The following SSH2 variants were observed in gnomAD, a reference collection of about 807,000 sequenced individuals.
SSH2 encodes the protein protein phosphatase Slingshot homolog 2.
Under a neutral mutation model 135.2 loss-of-function variants are expected in SSH2, and 37 were observed. The ratio of observed to expected loss-of-function variants is 0.27; its 90% CI spans 0.21 to 0.36. SSH2 has a LOEUF of 0.36. Ranked by LOEUF, SSH2 falls within the 10% of genes least tolerant of loss-of-function variation. SSH2 has a pLI of 1.00. For synonymous variants in SSH2, 628 were observed against 646.2 expected (o/e 0.97, Z 0.43); for missense variants, 1,408 against 1,765.3 (o/e 0.80, Z 3.63).
At chr17:29,657,997 C>G (rs1000840848) in intron 11 of SSH2, among the ~76,000 whole-genome samples, 1 of 150,920 alleles carries the variant, frequency 6.6e-6, no homozygotes, top group African/African-American at 2.4e-5. Flanking sequence ...GAATTCCCCA[C>G]AATCTGTATT....
At chr17:29,709,331 A>C (rs1278097659) in intron 3 of SSH2, among the ~76,000 whole-genome samples, 1 of 152,126 alleles carries the variant, frequency 6.6e-6, no homozygotes, top group Non-Finnish European at 1.5e-5. Flanking sequence ...TTTATGGCGG[A>C]CGAAATACAA....
intron 14 of SSH2, among the ~76,000 whole-genome samples, chr17:29,647,086 C>T (rs1245782299): frequency 2.0e-5 from 3 of 151,386 alleles, no homozygotes; most frequent in African/African-American, 7.3e-5. Context: ...CACAGTGAAA[C>T]CCCATCTCTA....
At chr17:29,847,164 A>G (rs2043145709) in intron 2 of SSH2, among the ~76,000 whole-genome samples, 1 of 152,182 alleles carries the variant, frequency 6.6e-6, no homozygotes. Flanking sequence ...GAAAAATTCC[A>G]AGAGCGGCCC....
rs187021961 is a variant in SSH2 at position 29,720,199 on chromosome 17, G to T, written c.189-17137C>A. On this transcript the variant is annotated intron_variant, in intron 3 of 15. Coordinates refer to ENST00000540801, the MANE Select transcript of SSH2 (RefSeq NM_001282129.2). ...TGTTATCCACCAATGTACCAATAGG[G>T]TTCTAAAAGTGAATTCTCAAATACT... Among the ~76,000 whole-genome samples, 15 of 152,268 alleles carry T rather than the reference G, an allele frequency of 9.9e-5. No individual in the cohort carries two copies. In the East Asian group the frequency reaches 2.7e-3, roughly 27 times the overall value.
chr17:29,930,111 C>T lies in SSH2; in HGVS notation c.-111G>A, dbSNP rs2067161638. 16 of 897,380 alleles carry T rather than the reference C, an allele frequency of 1.8e-5. No individual in the cohort carries two copies. The South Asian group carries it at 2.3e-4, about 13-fold the overall frequency. The allele number at this position is 897,380 out of a possible 1,614,324, so 55.6% of individuals were successfully genotyped here. On this transcript the variant is annotated 5_prime_UTR_variant, in exon 1 of 16. Transcript: ENST00000540801. ...GGGTGCGGGGTGGGGGTGAAGGGAA[C>T]GGGGAGGAGGAGGAGGCCGCGGGAA...
At chr17:29,680,337 G>C (rs1016105978) in intron 6 of SSH2, among the ~76,000 whole-genome samples, 4 of 151,544 alleles carry the variant, frequency 2.6e-5, no homozygotes, top group African/African-American at 4.9e-5. Flanking sequence ...CCGAGGTCAG[G>C]AGTTCAAGAC....
At chr17:29,707,377 A>T (rs2039247573) in intron 3 of SSH2, among the ~76,000 whole-genome samples, 1 of 152,196 alleles carries the variant, frequency 6.6e-6, no homozygotes, top group Non-Finnish European at 1.5e-5. Flanking sequence ...GAAACTCCTG[A>T]TTATAAAAGA....
At chr17:29,677,578 C>T (rs2037781138) in intron 7 of SSH2, 95 bp downstream of exon 7, 3 of 1,013,494 alleles carry the variant, frequency 3.0e-6, no homozygotes, top group Non-Finnish European at 1.6e-6. Context: ...GTTCAGTTGG[C>T]ACACTGGGCC....
In SSH2 at chr17:29,636,032, C is replaced by T; in HGVS notation, c.2198G>A (p.Ser733Asn). The T allele has an allele frequency of 6.2e-7, 1 of 1,614,176 alleles. No individual in the cohort carries two copies. Among genetic ancestry groups the T allele is most frequent in the Non-Finnish European group, 8.5e-7 (1 of 1,180,038 alleles). The change falls in exon 15 of 16, where the codon AGC becomes AAC. Residue 733 changes from serine to asparagine, a missense_variant. Ser to Asn is a conservative substitution (Grantham distance 46). Around this residue, in one of 3 missense-constraint regions of SSH2, gnomAD observed 1,080 missense variants for 1,144.5 expected, o/e 0.94. Transcript: ENST00000540801. ...ATGGGGAGTATTACTCAAAGAGCTG[C>T]TTCTCTGGTCATCAGCTGTCACTTT... ...PSKVTADDQR[S>N]SSLSNTPHAS... is the part of the protein sequence containing the mutation.
chr17:29,892,332 T>C (rs2066365892), intron 1 of SSH2, among the ~76,000 whole-genome samples: 1 of 152,044 alleles, frequency 6.6e-6, no homozygotes, highest in Non-Finnish European at 1.5e-5. Flanking sequence ...CCAAAGTTTA[T>C]AAACTGCTTC....
At chr17:29,894,712 C>T (rs1409851264) in intron 1 of SSH2, among the ~76,000 whole-genome samples, 1 of 151,926 alleles carries the variant, frequency 6.6e-6, no homozygotes, top group African/African-American at 2.4e-5. Context: ...CCACTCCCAC[C>T]ACTTAAACTG....
intron 3 of SSH2, among the ~76,000 whole-genome samples, chr17:29,767,377 T>TG (rs2041471363): frequency 3.4e-5 from 1 of 29,264 alleles, no homozygotes; most frequent in Non-Finnish European, 6.4e-5. Flanking sequence ...TTCTTTTTTC[T>TG]TTTTTTTTTT....
chr17:29,658,867 C>CAAAAAAAAAA (rs541052752), intron 11 of SSH2, among the ~76,000 whole-genome samples: 5 of 33,400 alleles, frequency 1.5e-4, no homozygotes, highest in Admixed American at 3.1e-4. Flanking sequence ...AACTCCGTCT[C>CAAAAAAAAAA]AAAAAAAAAA....
chr17:29,797,869 C>T lies in SSH2; in HGVS notation c.145-3932G>A, dbSNP rs540895375. On this transcript the variant is annotated intron_variant, in intron 2 of 15. Transcript: ENST00000540801. Reference sequence around the variant, plus strand: ...CGCCACTGCATTCCAACCTGAGAGACAGAGTGAGACTCTAAAATTAAATAA... The same window carrying T: ...CGCCACTGCATTCCAACCTGAGAGATAGAGTGAGACTCTAAAATTAAATAA... Among the ~76,000 whole-genome samples the T allele has an allele frequency of 4.6e-5, 7 of 151,178 alleles. No homozygotes were observed. In the South Asian group the frequency reaches 1.5e-3, roughly 32 times the overall value.
intron 2 of SSH2, 115 bp downstream of exon 2, chr17:29,848,734 G>A (rs2065491585): frequency 1.6e-6 from 1 of 634,480 alleles, no homozygotes; most frequent in Non-Finnish European, 2.7e-6. Context: ...TTGGCTGAAT[G>A]GGGTCAAATA....
At chr17:29,750,901 T>G (rs2040917851) in intron 3 of SSH2, among the ~76,000 whole-genome samples, 1 of 151,994 alleles carries the variant, frequency 6.6e-6, no homozygotes, top group African/African-American at 2.4e-5. Flanking sequence ...CTTGAAACTT[T>G]TTTGTTAAAG....
intron 3 of SSH2, among the ~76,000 whole-genome samples, chr17:29,744,309 G>A (rs1046135798): frequency 2.0e-5 from 3 of 152,170 alleles, no homozygotes; most frequent in Non-Finnish European, 2.9e-5. Context: ...CGATGCCCAA[G>A]ATGGGCTGGG....
At chr17:29,816,436 A>G (rs1405496150) in intron 2 of SSH2, among the ~76,000 whole-genome samples, 1 of 152,186 alleles carries the variant, frequency 6.6e-6, no homozygotes, top group Non-Finnish European at 1.5e-5. Flanking sequence ...ACTGTTATAG[A>G]AATTTCTTGT....
intron 3 of SSH2, among the ~76,000 whole-genome samples, chr17:29,729,529 G>A (rs896216266): frequency 5.9e-5 from 9 of 152,132 alleles, no homozygotes; most frequent in South Asian, 2.1e-4. Context: ...CAGCAATCTC[G>A]TTGCTGGGCA....
Sources: gnomAD v4.1 joint callset for allele counts (sites outside exome capture counted in the v4.1 genomes callset) on GRCh38, gnomAD v4.1.1 for gene constraint, gnomAD v4.1.1 regional missense constraint, MANE v1.5 for transcripts, NCBI Gene and HGNC (gene_info 2026-07-23, HGNC 2026-07-21) for gene names.